TTC1: variants seen among roughly 807,000 people sequenced by gnomAD.
TTC1 encodes tetratricopeptide repeat protein 1.
TTC1 carries 31 observed loss-of-function variants against 37.6 expected under a neutral mutation model. The ratio of observed to expected loss-of-function variants is 0.82; its 90% CI spans 0.62 to 1.11. The LOEUF (loss-of-function observed/expected upper bound fraction) is 1.11. TTC1 is among the 50% of genes most tolerant of loss of function. The pLI is 0.00. For synonymous variants in TTC1, 127 were observed against 122.4 expected, an observed-to-expected ratio of 1.04 and a Z score of -0.25; for missense variants, 351 against 339.0, an observed-to-expected ratio of 1.04 and a Z score of -0.28.
chr5:160,036,763 CGATTCTATTTT>C lies in TTC1; in HGVS notation c.465_475del (p.Ile156LysfsTer2), dbSNP rs1170506403. The C allele has an allele frequency of 6.2e-7, 1 of 1,613,650 alleles. No individual in the cohort carries two copies. The highest frequency in any genetic ancestry group is 8.5e-7 in the Non-Finnish European group (1 of 1,179,910). On this transcript the variant is annotated frameshift_variant, in exon 4 of 8. Coordinates refer to ENST00000231238, the MANE Select transcript of TTC1 (RefSeq NM_003314.3). LOFTEE classifies it high-confidence loss of function. ...CCATCCTGCTTCCAAAAGGAGAGGT[CGATTCTATTTT>C]CAAATAGAGCTGCAGCAAGGATGAA...
At position 160,065,121 on chromosome 5, in the gene TTC1, G is replaced by A; in HGVS notation, c.*56G>A. On this transcript the variant is annotated 3_prime_UTR_variant, in exon 8 of 8. Transcript: ENST00000231238. The stretch of plus-strand genomic sequence containing the variant: ...TGGAATTGTGTGCTGCTTGCTGTTA[G>A]CTAGGGGAAAGGCCCTGCCAATGTT... The A allele has an allele frequency of 1.3e-6, 2 of 1,587,246 alleles. No individual in the cohort carries two copies. The highest frequency in any genetic ancestry group is 2.3e-5 in the South Asian group (2 of 87,196).
At chr5:160,042,772 G>A (rs953546724) in intron 4 of TTC1, among the ~76,000 whole-genome samples, 1 of 152,170 alleles carries the variant, frequency 6.6e-6, no homozygotes. Context: ...CCAGAGAGGA[G>A]GGTAATTCAG....
chr5:160,039,459 T>C (rs929467628), intron 4 of TTC1, among the ~76,000 whole-genome samples: 5 of 151,974 alleles, frequency 3.3e-5, no homozygotes, highest in African/African-American at 1.2e-4. Context: ...AATGGTAAAG[T>C]TGTGATTTTT....
At chr5:160,062,525 C>A (rs1753451410) in intron 7 of TTC1, among the ~76,000 whole-genome samples, 1 of 152,214 alleles carries the variant, frequency 6.6e-6, no homozygotes, top group Non-Finnish European at 1.5e-5. Flanking sequence ...TACTTTTATT[C>A]TTTACATCCC....
intron 2 of TTC1, among the ~76,000 whole-genome samples, chr5:160,033,421 T>C (rs1756950984): frequency 6.6e-6 from 1 of 152,220 alleles, no homozygotes; most frequent in Non-Finnish European, 1.5e-5. Flanking sequence ...ATCCATAGTG[T>C]AATAATAAGA....
chr5:160,035,308 T>A (rs1756983445), intron 3 of TTC1, 108 bp downstream of exon 3: 4 of 867,076 alleles, frequency 4.6e-6, no homozygotes, highest in Non-Finnish European at 6.7e-6. Context: ...AAAACCAGAC[T>A]TCACAATACA....
rs373880865 is a variant in TTC1 at position 160,049,710 on chromosome 5, G to A, written c.690+48G>A. The A allele has an allele frequency of 5.4e-5, 75 of 1,396,754 alleles. No individual in the cohort carries two copies. The African/African-American group carries it at 1.0e-3, about 20-fold the overall frequency. 86.5% of individuals were successfully genotyped at this position (1,396,754 alleles called of 1,614,324 possible). On this transcript the variant is annotated intron_variant, in intron 6 of 7. Transcript: ENST00000231238. The stretch of plus-strand genomic sequence containing the variant: ...TATTTTTCCTTCTATTCTTTGTGTT[G>A]CTACCCAGTGAGTCCTAAATAATCC...
At chr5:160,052,548 CAAAAAAAAA>C (rs557157232) in intron 7 of TTC1, among the ~76,000 whole-genome samples, 17 of 68,070 alleles carry the variant, frequency 2.5e-4, no homozygotes, top group Non-Finnish European at 3.1e-4. Context: ...TCTATTTTAG[CAAAAAAAAA>C]AAAAAAAAAA....
At chr5:160,031,079 A>G (rs764167117) in intron 2 of TTC1, among the ~76,000 whole-genome samples, 2 of 152,194 alleles carry the variant, frequency 1.3e-5, no homozygotes, top group African/African-American at 2.4e-5. Context: ...TATTCAGCAG[A>G]AAAAAACTCC....
intron 7 of TTC1, among the ~76,000 whole-genome samples, chr5:160,059,681 C>G (rs919608626): frequency 6.6e-6 from 1 of 152,200 alleles, no homozygotes; most frequent in African/African-American, 2.4e-5. Context: ...GTCAGAGGAG[C>G]AGTCAGAACA....
chr5:160,043,164 G>A lies in TTC1; in HGVS notation c.536G>A (p.Ser179Asn). Residue 179 changes from serine to asparagine, a missense_variant, in exon 5 of 8, where the codon AGC becomes AAC. By Grantham distance (46) the Ser-to-Asn change is conservative (BLOSUM62 1). Coordinates refer to ENST00000231238, the MANE Select transcript of TTC1 (RefSeq NM_003314.3). Reference protein sequence around the residue: ...DKKEMAINDCSKAIQLNPSYI... With the variant: ...DKKEMAINDCNKAIQLNPSYI... ...AAAGAAATGGCCATCAATGACTGCA[G>A]CAAAGGTACAGCTTTATTATCTTAT... is the stretch of plus-strand genomic sequence containing the variant. 6.2e-7 allele frequency: 1 copy of A among 1,613,344 alleles called. No individual in the cohort carries two copies. Among genetic ancestry groups the A allele is most frequent in the Non-Finnish European group, 8.5e-7 (1 of 1,179,634 alleles).
At chr5:160,038,813 C>T (rs541986960) in intron 4 of TTC1, 230 of 152,202 alleles carry the variant, frequency 1.5e-3, no homozygotes, top group Middle Eastern at 3.4e-3. Flanking sequence ...CAAGTGCGCG[C>T]CACCACGCCA....
At chr5:160,032,702 CTTTTTTTTTTTTTTTT>C (rs70987990) in intron 2 of TTC1, among the ~76,000 whole-genome samples, 2 of 74,684 alleles carry the variant, frequency 2.7e-5, no homozygotes, top group Admixed American at 1.7e-4. Flanking sequence ...TACCTGCTTT[CTTTTTTTTTTTTTTTT>C]TTTTTTTTTT....
intron 2 of TTC1, among the ~76,000 whole-genome samples, chr5:160,016,954 A>C (rs1198216909): frequency 1.3e-5 from 2 of 152,248 alleles, no homozygotes; most frequent in African/African-American, 4.8e-5. Context: ...ATTGAGGAGG[A>C]AAGCAGTTAA....
At chr5:160,063,072 A>C (rs1357694069) in intron 7 of TTC1, among the ~76,000 whole-genome samples, 1 of 152,160 alleles carries the variant, frequency 6.6e-6, no homozygotes, top group Non-Finnish European at 1.5e-5. Flanking sequence ...CTGCCTGGAG[A>C]ACAGCCATCC....
intron 2 of TTC1, among the ~76,000 whole-genome samples, chr5:160,024,572 C>T (rs1412158881): frequency 6.6e-5 from 10 of 152,148 alleles, no homozygotes; most frequent in East Asian, 1.9e-4. Flanking sequence ...TGATAGCTTA[C>T]TGCAGCCTCA....
chr5:160,029,539 T>G (rs1756869374), intron 2 of TTC1, among the ~76,000 whole-genome samples: 1 of 150,828 alleles, frequency 6.6e-6, no homozygotes, highest in South Asian at 2.1e-4. Context: ...TCCTAGGTAC[T>G]GGGGAAGCTG....
At chr5:160,025,427 G>A (rs140695920) in intron 2 of TTC1, among the ~76,000 whole-genome samples, 2,132 of 152,306 alleles carry the variant, frequency 0.014, 45 homozygotes, top group African/African-American at 0.048. Flanking sequence ...CTCCCAAAGT[G>A]CTGGGATTAC....
chr5:160,038,070 A>G (rs906812266), intron 4 of TTC1, among the ~76,000 whole-genome samples: 11 of 151,574 alleles, frequency 7.3e-5, no homozygotes, highest in African/African-American at 2.7e-4. Context: ...ATGCTTGGAC[A>G]TGCAGAAAGG....
Sources: allele counts gnomAD v4.1 joint callset (sites outside exome capture counted in the v4.1 genomes callset), GRCh38; gene constraint gnomAD v4.1.1; transcripts MANE v1.5; gene names NCBI Gene and HGNC (gene_info 2026-07-23, HGNC 2026-07-21).